Variants in CCDC112 observed in about 807,000 individuals in gnomAD.
CCDC112 encodes coiled-coil domain-containing protein 112.
In CCDC112, 40 loss-of-function variants were observed where a neutral mutation model predicts 66.3. That is an observed-to-expected ratio of 0.60 (90% confidence interval 0.47 to 0.79). The LOEUF (loss-of-function observed/expected upper bound fraction) is 0.79, where lower values mean the gene tolerates loss of function less well. Among genes scored for constraint, CCDC112 ranks in the 30% least tolerant of loss-of-function variants. The pLI is 0.00. For synonymous variants in CCDC112, 214 were observed against 197.2 expected, an observed-to-expected ratio of 1.09 and a Z score of -0.71; for missense variants, 659 against 603.8, an observed-to-expected ratio of 1.09 and a Z score of -0.96.
chr5:115,291,021 A>C (rs1198373277), intron 1 of CCDC112, among the ~76,000 whole-genome samples: 2 of 152,104 alleles, frequency 1.3e-5, no homozygotes, highest in Non-Finnish European at 2.9e-5. Flanking sequence ...ACTTTCAGTG[A>C]GTAAAGTGGT....
chr5:115,267,892 A>T lies in CCDC112; in HGVS notation c.1574T>A (p.Ile525Lys). 1.2e-6 allele frequency: 2 copies of T among 1,611,726 alleles called. No individual in the cohort carries two copies. Among genetic ancestry groups the T allele is most frequent in the Non-Finnish European group, 1.7e-6 (2 of 1,178,002 alleles). The change falls in exon 10 of 10, where the codon ATA becomes AAA. Residue 525 changes from isoleucine to lysine, a missense_variant. Physicochemically the swap from Ile to Lys is moderately radical, Grantham distance 102. Coordinates refer to ENST00000379611, the MANE Select transcript of CCDC112 (RefSeq NM_001040440.3). ...HRAIPTWRQG[I>K]QRRV ...TTGATTATCTCATACTCTTCTCTGT[A>T]TTCCTTGTCTCCAGGTTGGAATAGC...
intron 1 of CCDC112, chr5:115,289,322 C>T (rs1273164348): frequency 1.3e-5 from 2 of 156,878 alleles, no homozygotes; most frequent in Non-Finnish European, 2.8e-5. Flanking sequence ...GCTGACTTTC[C>T]ACTTGGGCTT....
intron 1 of CCDC112, among the ~76,000 whole-genome samples, chr5:115,291,431 T>C (rs1054750244): frequency 2.0e-5 from 3 of 152,218 alleles, no homozygotes; most frequent in African/African-American, 7.2e-5. Flanking sequence ...GATACTATTC[T>C]GTATTTTTCT....
At chr5:115,271,078 C>T (rs570005539) in intron 7 of CCDC112, 135 bp downstream of exon 7, 31 of 723,064 alleles carry the variant, frequency 4.3e-5, no homozygotes, top group Non-Finnish European at 5.8e-5. Flanking sequence ...TTAGGGAGCA[C>T]GGCTTACTCA....
intron 1 of CCDC112, among the ~76,000 whole-genome samples, chr5:115,294,116 T>G (rs941189646): frequency 6.6e-6 from 1 of 152,154 alleles, no homozygotes; most frequent in African/African-American, 2.4e-5. Context: ...TCATAATGAG[T>G]GAGGAATTTA....
At chr5:115,290,357 C>A (rs1029320640) in intron 1 of CCDC112, among the ~76,000 whole-genome samples, 1 of 152,104 alleles carries the variant, frequency 6.6e-6, no homozygotes, top group Non-Finnish European at 1.5e-5. Context: ...TATGCCAGTA[C>A]CATAGTTTGA....
Position 115,278,225 on chromosome 5 carries a change from C to G in CCDC112, c.362-1171G>C, listed in dbSNP as rs541731811. 2.6e-5 allele frequency among the ~76,000 whole-genome samples: 4 copies of G among 152,220 alleles called. No homozygotes were observed. In the East Asian group the frequency reaches 7.7e-4, roughly 29 times the overall value. On this transcript the variant is annotated intron_variant, in intron 3 of 9. Transcript: ENST00000379611. The stretch of plus-strand genomic sequence containing the variant: ...TTAGTTTGATCAGCTACCAAAATAT[C>G]ACTACAAGGCTGATAATCTTTTTAT...
chr5:115,268,132 T>C (rs182696679), intron 9 of CCDC112, among the ~76,000 whole-genome samples: 35 of 152,334 alleles, frequency 2.3e-4, no homozygotes, highest in African/African-American at 8.2e-4. Flanking sequence ...AATCAGTTAA[T>C]CTACTTATTA....
At position 115,279,775 on chromosome 5, in the gene CCDC112, G is replaced by A. The variant is rs912178626; in HGVS notation, c.240-7C>T. The A allele has an allele frequency of 1.2e-5, 17 of 1,398,020 alleles. No individual in the cohort carries two copies. The highest frequency in any genetic ancestry group is 1.7e-5 in the Non-Finnish European group (17 of 994,090). 86.6% of individuals were successfully genotyped at this position (1,398,020 alleles called of 1,614,324 possible). A position where few individuals can be genotyped will look rare whatever the true frequency, so the allele number is the denominator to read the frequency against. ...TTTTTCCATGTTAATTACTCTTTAG[G>A]AAAAGAAACAAATAGTATAAATATG... On this transcript the variant is annotated splice_polypyrimidine_tract_variant and splice_region_variant and intron_variant, in intron 2 of 9. Coordinates refer to ENST00000379611, the MANE Select transcript of CCDC112 (RefSeq NM_001040440.3).
rs780342437 is a variant in CCDC112, at chr5:115,275,529, G to T, written c.605C>A (p.Ala202Asp). 8 of 1,613,610 alleles carry T rather than the reference G, an allele frequency of 5.0e-6. No homozygotes were observed. The Admixed American group carries it at 1.0e-4, about 20-fold the overall frequency. The change falls in exon 6 of 10, where the codon GCT becomes GAT. Residue 202 changes from alanine (A) to aspartate (D), a missense_variant. Coordinates refer to ENST00000379611, the MANE Select transcript of CCDC112 (RefSeq NM_001040440.3). ...TTTCTCTGTTTCTGAATTACCCAAA[G>T]CCCATGTGTCAATTTTTCTTGATAT... ...SAISRKIDTWALGNSETEKAF... is the reference protein window; with the variant it reads ...SAISRKIDTWDLGNSETEKAF...
chr5:115,282,079 A>G (rs1749480183), intron 2 of CCDC112, among the ~76,000 whole-genome samples: 1 of 152,196 alleles, frequency 6.6e-6, no homozygotes, highest in African/African-American at 2.4e-5. Context: ...TTTGTTATTA[A>G]AAAAAGATTG....
At chr5:115,267,984 G>T in intron 9 of CCDC112, 66 bp from the exon 10 acceptor site, 1 of 1,242,274 alleles carries the variant, frequency 8.0e-7, no homozygotes, top group Non-Finnish European at 1.2e-6. Flanking sequence ...AACCCTATCT[G>T]ATTAAGTGCT....
chr5:115,272,124 T>A (rs1749030324), intron 6 of CCDC112, among the ~76,000 whole-genome samples: 1 of 152,082 alleles, frequency 6.6e-6, no homozygotes, highest in Non-Finnish European at 1.5e-5. Context: ...GGTTTCATCA[T>A]GTTGGCCAGG....
intron 2 of CCDC112, among the ~76,000 whole-genome samples, chr5:115,282,077 T>TA (rs1376413436): frequency 1.3e-5 from 2 of 152,160 alleles, no homozygotes; most frequent in African/African-American, 4.8e-5. Flanking sequence ...TGTTTGTTAT[T>TA]AAAAAAAGAT....
At chr5:115,270,967 A>G (rs1748969311) in intron 7 of CCDC112, among the ~76,000 whole-genome samples, 2 of 151,994 alleles carry the variant, frequency 1.3e-5, no homozygotes, top group Admixed American at 1.3e-4. Context: ...ACTCCCTCCT[A>G]AGTACTATGT....
chr5:115,287,719 T>TA (rs11424664), intron 1 of CCDC112, among the ~76,000 whole-genome samples: 6 of 148,326 alleles, frequency 4.0e-5, no homozygotes, highest in African/African-American at 1.2e-4. Context: ...TTTTTTTTTT[T>TA]AATTAAAGTG....
intron 1 of CCDC112, among the ~76,000 whole-genome samples, chr5:115,293,459 A>G (rs1750020181): frequency 6.6e-6 from 1 of 152,220 alleles, no homozygotes. Context: ...TGTCAATTAA[A>G]AATAATGTTA....
At chr5:115,276,137 A>C in intron 4 of CCDC112, 68 bp from the exon 5 acceptor site, 1 of 1,088,636 alleles carries the variant, frequency 9.2e-7, no homozygotes, top group South Asian at 1.4e-5. Context: ...AATATTAGGA[A>C]GAAAAAGTGG....
At chr5:115,282,105 T>C (rs1306707347) in intron 2 of CCDC112, among the ~76,000 whole-genome samples, 1 of 152,212 alleles carries the variant, frequency 6.6e-6, no homozygotes, top group Non-Finnish European at 1.5e-5. Flanking sequence ...AACCTAAATG[T>C]CCATAAATAT....
Sources: allele counts gnomAD v4.1 joint callset (sites outside exome capture counted in the v4.1 genomes callset), GRCh38; gene constraint gnomAD v4.1.1; transcripts MANE v1.5; gene names NCBI Gene and HGNC (gene_info 2026-07-23, HGNC 2026-07-21).